XCR1: variants seen among roughly 807,000 people sequenced by gnomAD.
The protein encoded by XCR1 is X-C motif chemokine receptor 1.
For missense variants in XCR1, 356 were observed against 424.2 expected (o/e 0.84, Z 1.41); for synonymous variants, 187 against 188.5 (o/e 0.99, Z 0.06).
At chr3:46,049,659 A>G (rs765039865) in intron 5 of XCR1, among the ~76,000 whole-genome samples, 10 of 152,220 alleles carry the variant, frequency 6.6e-5, no homozygotes, top group Non-Finnish European at 1.3e-4. Context: ...ATTGAGCTGA[A>G]ACCCCAGAGG....
chr3:46,037,675 A>G (rs1045656721), intron 5 of XCR1, among the ~76,000 whole-genome samples: 10 of 152,208 alleles, frequency 6.6e-5, no homozygotes, highest in Admixed American at 2.6e-4. Context: ...AAAACCTGAT[A>G]GAAAATTGGA....
chr3:46,037,993 G>A (rs934575540), intron 5 of XCR1, among the ~76,000 whole-genome samples: 1 of 151,272 alleles, frequency 6.6e-6, no homozygotes, highest in African/African-American at 2.4e-5. Flanking sequence ...TGTGCACCAG[G>A]AATAAAATAT....
chr3:46,021,515 A>AGCGGAGGGTGGGGAC lies in XCR1; in HGVS notation c.418_432dup (p.Val140_Arg144dup). 1 of 1,612,812 alleles carries AGCGGAGGGTGGGGAC rather than the reference A, an allele frequency of 6.2e-7. No homozygotes were observed. Among genetic ancestry groups the AGCGGAGGGTGGGGAC allele is most frequent in the Non-Finnish European group, 8.5e-7 (1 of 1,179,320 alleles). ...ACAGCCATGGTCACCAGCACCCGGC[A>AGCGGAGGGTGGGGAC]GCGGAGGGTGGGGACGCGCAGGGTG... On this transcript the variant is annotated inframe_insertion, in exon 2 of 2. Coordinates refer to ENST00000309285, the MANE Select transcript of XCR1 (RefSeq NM_001024644.2). This position sits in a 1 kb window ranked among gnomAD's most constrained non-coding sequence, Gnocchi z 4.7.
At chr3:46,028,230 G>C (rs917031598), upstream of XCR1, among the ~76,000 whole-genome samples, 3 of 152,058 alleles carry the variant, frequency 2.0e-5, no homozygotes, top group Non-Finnish European at 4.4e-5. Flanking sequence ...GCTCACCAGT[G>C]GGGGGAGTAA....
rs1708165895 is a variant in XCR1, at chr3:46,021,962, AG to A, written c.-16del. On this transcript the variant is annotated 5_prime_UTR_variant, in exon 2 of 2. Transcript: ENST00000309285. The surrounding 1 kb of genome is among the most constrained non-coding windows in gnomAD (Gnocchi z 4.7). ...GAGGACTCCATCTGGACCAGATGGC[AG>A]GGACGTTTAGAGCATCTGAAATGAT... The A allele has an allele frequency of 1.9e-6, 3 of 1,595,944 alleles. No individual in the cohort carries two copies. The highest frequency in any genetic ancestry group is 2.6e-6 in the Non-Finnish European group (3 of 1,171,606).
chr3:46,019,308 G>A lies in XCR1; in HGVS notation c.*1638C>T, dbSNP rs2125891930. 6.6e-6 allele frequency: 1 copy of A among 152,338 alleles called. No individual in the cohort carries two copies. The highest frequency in any genetic ancestry group is 2.4e-5 in the African/African-American group (1 of 41,566). 9.4% of individuals were successfully genotyped at this position (152,338 alleles called of 1,614,324 possible). ...AGCATAAATCTGAAGGATAATAACA[G>A]CTGTTGATTCTTTGCTCCCACTGAG... On this transcript the variant is annotated 3_prime_UTR_variant, in exon 2 of 2. Transcript: ENST00000309285.
chr3:46,075,999 C>T (rs1018086295), intron 2 of XCR1, among the ~76,000 whole-genome samples: 1 of 152,140 alleles, frequency 6.6e-6, no homozygotes, highest in Non-Finnish European at 1.5e-5. Context: ...AAGAGTATAG[C>T]AGCCTCTTAA....
chr3:46,071,843 T>C (rs1036806967), intron 3 of XCR1, among the ~76,000 whole-genome samples: 4 of 151,948 alleles, frequency 2.6e-5, no homozygotes, highest in Admixed American at 2.6e-4. Flanking sequence ...GACAAACCCA[T>C]AGCCAACCTC....
chr3:46,034,436 A>G (rs1232748064), intron 5 of XCR1, among the ~76,000 whole-genome samples: 2 of 147,516 alleles, frequency 1.4e-5, no homozygotes, highest in African/African-American at 2.5e-5. Flanking sequence ...CAATCTTTAT[A>G]CCTTTTATTT....
rs146874156 is a variant in XCR1 at position 46,049,187 on chromosome 3, A to G, written c.-32+4733T>C. On this transcript the variant is annotated intron_variant, in intron 5 of 5. Transcript: ENST00000683768. ...CTGTGTGTGTAACATCCATTTGCCA[A>G]ATTTCATTTGGAGCCAAACCTCGTG... Among the ~76,000 whole-genome samples, 245 of 152,318 alleles carry G rather than the reference A, an allele frequency of 1.6e-3. 1 individual carries two copies. Among genetic ancestry groups the G allele is most frequent in the Middle Eastern group, 6.8e-3 (2 of 294 alleles).
At chr3:46,050,859 C>T (rs906677183) in intron 5 of XCR1, among the ~76,000 whole-genome samples, 7 of 152,196 alleles carry the variant, frequency 4.6e-5, no homozygotes, top group Non-Finnish European at 8.8e-5. Context: ...GTAATGCGCC[C>T]ATCGGTTTAA....
rs1422931239 is a variant in XCR1 at position 46,018,585 on chromosome 3, A to G, written c.*2361T>C. The G allele has an allele frequency of 6.6e-6, 1 of 152,226 alleles. No individual in the cohort carries two copies. Among genetic ancestry groups the G allele is most frequent in the Admixed American group, 6.5e-5 (1 of 15,276 alleles). The allele number at this position is 152,226 out of a possible 1,614,324, so 9.4% of individuals were successfully genotyped here. On this transcript the variant is annotated 3_prime_UTR_variant, in exon 2 of 2. Coordinates refer to ENST00000309285, the MANE Select transcript of XCR1 (RefSeq NM_001024644.2). ...CACCTGTAGGCTGGCAGGTAGGTCC[A>G]TGGGAGCCCCTTCCCTTCACTGGTA...
At position 46,032,745 on chromosome 3, in the gene XCR1, A is replaced by G. The variant is rs563658527; in HGVS notation, c.-31-10767T>C. ...GGATCATTTTGCACTTCCATCATCAATGAATGAGCATTCTCATTGCTAGAC... is the reference window on the plus strand; with the variant it reads ...GGATCATTTTGCACTTCCATCATCAGTGAATGAGCATTCTCATTGCTAGAC... On this transcript the variant is annotated intron_variant, in intron 5 of 5. Transcript: ENST00000683768. 4.6e-5 allele frequency among the ~76,000 whole-genome samples: 7 copies of G among 152,374 alleles called. No homozygotes were observed. The South Asian group carries it at 1.2e-3, about 27-fold the overall frequency.
intron 3 of XCR1, among the ~76,000 whole-genome samples, chr3:46,068,934 C>A (rs1241669830): frequency 1.3e-5 from 2 of 152,070 alleles, no homozygotes; most frequent in African/African-American, 2.4e-5. Context: ...AGTAAAAATA[C>A]TAAACCAATG....
At chr3:46,062,507 C>T (rs537611787) in intron 4 of XCR1, among the ~76,000 whole-genome samples, 1 of 152,256 alleles carries the variant, frequency 6.6e-6, no homozygotes, top group East Asian at 1.9e-4. Flanking sequence ...AAGGTTCAAC[C>T]TCCTGGATCC....
At chr3:46,057,634 G>A (rs935493144) in intron 4 of XCR1, among the ~76,000 whole-genome samples, 2 of 152,136 alleles carry the variant, frequency 1.3e-5, no homozygotes, top group African/African-American at 4.8e-5. Context: ...TTATGGAAAG[G>A]AAATTATTCC....
intron 1 of XCR1, among the ~76,000 whole-genome samples, chr3:46,082,472 G>A (rs1279569955): frequency 7.2e-6 from 1 of 137,990 alleles, no homozygotes; most frequent in Non-Finnish European, 1.5e-5. Flanking sequence ...CTATAATCAG[G>A]CTCCTTTTTT....
intron 5 of XCR1, among the ~76,000 whole-genome samples, chr3:46,043,019 T>TA (rs1333137445): frequency 6.8e-6 from 1 of 146,224 alleles, no homozygotes; most frequent in Non-Finnish European, 1.5e-5. Context: ...TGGTTCAATA[T>TA]AAAAAAATCA....
In XCR1 at chr3:46,017,159, T is replaced by C. The variant is rs911901918; in HGVS notation, c.*3787A>G. 2.6e-5 allele frequency: 4 copies of C among 152,222 alleles called. No homozygotes were observed. Among genetic ancestry groups the C allele is most frequent in the Non-Finnish European group, 5.9e-5 (4 of 68,034 alleles). The allele number at this position is 152,222 out of a possible 1,614,324, so 9.4% of individuals were successfully genotyped here. A position where few individuals can be genotyped will look rare whatever the true frequency, so the allele number is the denominator to read the frequency against. ...CCTCATAGTGTGGATGAGTCTGTTA[T>C]TGGCTTCTCTACAGTTTATAGGTGA... On this transcript the variant is annotated 3_prime_UTR_variant, in exon 2 of 2. Transcript: ENST00000309285.
Sources: gnomAD v4.1 joint callset for allele counts (sites outside exome capture counted in the v4.1 genomes callset) on GRCh38, gnomAD v4.1.1 for gene constraint, Gnocchi (gnomAD v3.1) non-coding constraint, MANE v1.5 for transcripts, NCBI Gene and HGNC (gene_info 2026-07-23, HGNC 2026-07-21) for gene names.